Variants in RREB1 observed in about 807,000 individuals in gnomAD.
The protein encoded by RREB1 is ras-responsive element-binding protein 1.
RREB1 carries 27 observed loss-of-function variants against 117.8 expected under a neutral mutation model. That is an observed-to-expected ratio of 0.23 (90% CI 0.17 to 0.32). The LOEUF (loss-of-function observed/expected upper bound fraction) is 0.32. Among genes scored for constraint, RREB1 ranks in the 10% least tolerant of loss-of-function variants. The probability of loss-of-function intolerance (pLI) is 1.00; values close to 1 mark genes in which losing one functional copy is unlikely to be tolerated. For synonymous variants in RREB1, 1,298 were observed against 1,026.7 expected (o/e 1.26, Z -5.05); for missense variants, 2,577 against 2,378.2 (o/e 1.08, Z -1.74).
intron 1 of RREB1, among the ~76,000 whole-genome samples, chr6:7,167,661 A>G (rs1260016735): frequency 6.6e-6 from 1 of 152,198 alleles, no homozygotes; most frequent in South Asian, 2.1e-4. Context: ...AAGACCATCA[A>G]GGTGAGCTCC....
chr6:7,207,323 C>T (rs1199107794), intron 6 of RREB1, among the ~76,000 whole-genome samples: 3 of 152,232 alleles, frequency 2.0e-5, no homozygotes, highest in Admixed American at 2.0e-4. Context: ...GGCAGTCACT[C>T]ATTTCTACTC....
chr6:7,134,819 G>A (rs1308183032), intron 1 of RREB1, among the ~76,000 whole-genome samples: 3 of 152,186 alleles, frequency 2.0e-5, no homozygotes, highest in Non-Finnish European at 4.4e-5. Context: ...GGAAAATAAC[G>A]ATTAGACTAG....
At position 7,247,215 on chromosome 6, in the gene RREB1, C is replaced by T. The variant is rs1162515409; in HGVS notation, c.4765C>T (p.His1589Tyr). The T allele has an allele frequency of 1.2e-6, 2 of 1,612,346 alleles. No individual in the cohort carries two copies. Among genetic ancestry groups the T allele is most frequent in the Non-Finnish European group, 1.7e-6 (2 of 1,179,324 alleles). Residue 1589 changes from histidine (H) to tyrosine (Y), a missense_variant, in exon 12 of 13, where the codon CAC (histidine) becomes TAC (tyrosine). His to Tyr is a moderately conservative substitution (Grantham distance 83, BLOSUM62 2). Coordinates refer to ENST00000379938, the MANE Select transcript of RREB1 (RefSeq NM_001003699.4). The stretch of plus-strand genomic sequence containing the variant: ...GGACCTGACCCGGCACATGCGCTCC[C>T]ACACAGGTAACCAGGGCAGGCCAGG... The part of the protein sequence containing the change: ...LQDLTRHMRS[H>Y]TGERPYKCQT...
At chr6:7,175,643 G>A (rs1764460606) in intron 1 of RREB1, among the ~76,000 whole-genome samples, 1 of 152,252 alleles carries the variant, frequency 6.6e-6, no homozygotes, top group South Asian at 2.1e-4. Flanking sequence ...TGTGTTGAGA[G>A]CCAGGGAATG....
intron 1 of RREB1, among the ~76,000 whole-genome samples, chr6:7,156,272 T>C (rs941549239): frequency 6.6e-6 from 1 of 152,252 alleles, no homozygotes; most frequent in Non-Finnish European, 1.5e-5. Flanking sequence ...TCACTTTAAA[T>C]GGTTTAATTT....
chr6:7,192,011 G>C (rs2113562277), intron 6 of RREB1, among the ~76,000 whole-genome samples: 1 of 150,874 alleles, frequency 6.6e-6, no homozygotes, highest in Admixed American at 6.6e-5. Context: ...GATGTTAGTT[G>C]TGGGTTTTTT....
intron 1 of RREB1, among the ~76,000 whole-genome samples, chr6:7,141,866 C>T (rs1463321396): frequency 6.6e-6 from 1 of 152,204 alleles, no homozygotes; most frequent in South Asian, 2.1e-4. Flanking sequence ...TGGCCCTTTC[C>T]GCAGAGGGCT....
In RREB1 at chr6:7,246,810, G is replaced by T; in HGVS notation, c.4360G>T (p.Gly1454Trp). The change falls in exon 12 of 13, where the codon GGG (glycine) becomes TGG (tryptophan). Residue 1454 changes from glycine to tryptophan, a missense_variant. Physicochemically the swap from Gly to Trp is radical, Grantham distance 184 (BLOSUM62 -2). Coordinates refer to ENST00000379938, the MANE Select transcript of RREB1 (RefSeq NM_001003699.4). ...GCAGAAGCTCGCCTGCGACACCTGTGGGAAGAGCTTCAAGTTCCTGGGCAC... is the reference window on the plus strand; with the variant it reads ...GCAGAAGCTCGCCTGCGACACCTGTTGGAAGAGCTTCAAGTTCCTGGGCAC... The part of the protein sequence containing the change: ...QEQKLACDTC[G>W]KSFKFLGTLS... 1.3e-6 allele frequency: 2 copies of T among 1,553,906 alleles called. No homozygotes were observed. Among genetic ancestry groups the T allele is most frequent in the Non-Finnish European group, 1.7e-6 (2 of 1,149,158 alleles).
At chr6:7,235,226 T>A (rs2113140914) in intron 10 of RREB1, among the ~76,000 whole-genome samples, 1 of 152,310 alleles carries the variant, frequency 6.6e-6, no homozygotes, top group Non-Finnish European at 1.5e-5. Flanking sequence ...TAGAGCATTT[T>A]CCATTCACGG....
chr6:7,240,373 A>G, intron 10 of RREB1, 65 bp from the exon 11 acceptor site: 2 of 1,411,636 alleles, frequency 1.4e-6, no homozygotes, highest in Non-Finnish European at 2.0e-6. Context: ...GAATAAACAA[A>G]AGCGACTTTT....
At chr6:7,190,143 A>G (rs1765326559) in intron 6 of RREB1, among the ~76,000 whole-genome samples, 1 of 152,250 alleles carries the variant, frequency 6.6e-6, no homozygotes, top group Admixed American at 6.5e-5. Flanking sequence ...CACATGGGAC[A>G]TACTGATACA....
At chr6:7,124,928 C>T (rs1051068212) in intron 1 of RREB1, among the ~76,000 whole-genome samples, 25 of 152,208 alleles carry the variant, frequency 1.6e-4, no homozygotes, top group African/African-American at 6.0e-4. Flanking sequence ...GGCAGACTAC[C>T]TGTCATAGAG....
intron 1 of RREB1, among the ~76,000 whole-genome samples, chr6:7,161,169 G>A (rs1763643465): frequency 6.6e-6 from 1 of 152,168 alleles, no homozygotes; most frequent in Non-Finnish European, 1.5e-5. Context: ...CCAGGTTCAA[G>A]CAGGTTTAGG....
intron 2 of RREB1, among the ~76,000 whole-genome samples, 199 bp from the exon 3 acceptor site, chr6:7,180,925 G>GTAC (rs1441898553): frequency 1.3e-5 from 2 of 152,192 alleles, no homozygotes; most frequent in African/African-American, 4.8e-5. Flanking sequence ...GTAACAGGCA[G>GTAC]TACTGTAGGG....
chr6:7,188,222 C>G (rs990613476), intron 5 of RREB1, among the ~76,000 whole-genome samples: 2 of 91,462 alleles, frequency 2.2e-5, no homozygotes, highest in African/African-American at 7.8e-5. Flanking sequence ...CGCTCCCCCC[C>G]ACACGTGTGT....
intron 10 of RREB1, among the ~76,000 whole-genome samples, chr6:7,233,741 CTG>C (rs1227397713): frequency 7.2e-5 from 11 of 152,058 alleles, no homozygotes; most frequent in Non-Finnish European, 7.3e-5. Context: ...GAGCTGTGCT[CTG>C]TGTCCAGGTG....
At chr6:7,184,858 A>T (rs1360279684) in intron 4 of RREB1, 1 of 151,186 alleles carries the variant, frequency 6.6e-6, no homozygotes, top group East Asian at 1.9e-4. Context: ...TTGATGTATC[A>T]CCATCCTGTT....
At chr6:7,186,233 A>C (rs755148705) in intron 4 of RREB1, among the ~76,000 whole-genome samples, 1 of 152,148 alleles carries the variant, frequency 6.6e-6, no homozygotes, top group Non-Finnish European at 1.5e-5. Flanking sequence ...CCGAGGTGCA[A>C]GCCTCCTTGG....
At position 7,226,667 on chromosome 6, in the gene RREB1, C is replaced by A; in HGVS notation, c.897+11C>A. On this transcript the variant is annotated intron_variant, in intron 9 of 12. Coordinates refer to ENST00000379938, the MANE Select transcript of RREB1 (RefSeq NM_001003699.4). ...CCTCGCATTTCTCAGGTATTCTGATCAGCCCATGGAAGCAACCAGCAACTG... is the reference window on the plus strand; with the variant it reads ...CCTCGCATTTCTCAGGTATTCTGATAAGCCCATGGAAGCAACCAGCAACTG... 1 of 1,610,844 alleles carries A rather than the reference C, an allele frequency of 6.2e-7. No individual in the cohort carries two copies. The highest frequency in any genetic ancestry group is 1.1e-5 in the South Asian group (1 of 90,676).
Sources: gnomAD v4.1 joint callset for allele counts (sites outside exome capture counted in the v4.1 genomes callset) on GRCh38, gnomAD v4.1.1 for gene constraint, MANE v1.5 for transcripts, NCBI Gene and HGNC (gene_info 2026-07-23, HGNC 2026-07-21) for gene names.